INPP4B: variants seen among roughly 807,000 people sequenced by gnomAD.
The protein encoded by INPP4B is inositol polyphosphate-4-phosphatase type II B.
INPP4B carries 55 observed loss-of-function variants against 122.5 expected under a neutral mutation model. The observed-to-expected ratio is 0.45, with a 90% CI of 0.36 to 0.56. The LOEUF (loss-of-function observed/expected upper bound fraction) is 0.56. Ranked by LOEUF, INPP4B falls within the 20% of genes least tolerant of loss-of-function variation. INPP4B has a pLI of 0.00. For missense variants in INPP4B, 1,000 were observed against 1,097.7 expected, an observed-to-expected ratio of 0.91 and a Z score of 1.26; for synonymous variants, 403 against 388.7, an observed-to-expected ratio of 1.04 and a Z score of -0.43.
At chr4:142,330,969 T>C (rs1774245485) in intron 7 of INPP4B, among the ~76,000 whole-genome samples, 1 of 152,164 alleles carries the variant, frequency 6.6e-6, no homozygotes, top group African/African-American at 2.4e-5. Context: ...CTATCAAAAG[T>C]TGTACTTTCA....
In INPP4B at chr4:142,382,542, T is replaced by C. The variant is rs534008249; in HGVS notation, c.372+20396A>G. Among the ~76,000 whole-genome samples the C allele has an allele frequency of 1.6e-3, 235 of 146,524 alleles. 2 individuals are homozygous for C. Among genetic ancestry groups the C allele is most frequent in the African/African-American group, 4.9e-3 (197 of 40,158 alleles). On this transcript the variant is annotated intron_variant, in intron 7 of 25. Coordinates refer to ENST00000262992, the MANE Select transcript of INPP4B (RefSeq NM_001101669.3). ...AAAAACATACATACACATATACATATATATATATATTTACATTTATGTTTA... is the reference window on the plus strand; with the variant it reads ...AAAAACATACATACACATATACATACATATATATATTTACATTTATGTTTA...
intron 25 of INPP4B, among the ~76,000 whole-genome samples, chr4:142,079,949 C>T (rs1189745752): frequency 6.6e-6 from 1 of 152,054 alleles, no homozygotes; most frequent in Non-Finnish European, 1.5e-5. Context: ...AGAGTATTAA[C>T]ATTACAGCCC....
chr4:142,222,451 A>C (rs542500641), intron 12 of INPP4B, among the ~76,000 whole-genome samples: 1 of 152,298 alleles, frequency 6.6e-6, no homozygotes, highest in Non-Finnish European at 1.5e-5. Context: ...TCAAAAGCCT[A>C]GGCACCCATA....
chr4:142,475,122 C>G (rs1293407734), intron 2 of INPP4B, among the ~76,000 whole-genome samples: 1 of 152,104 alleles, frequency 6.6e-6, no homozygotes, highest in Non-Finnish European at 1.5e-5. Context: ...CCTGAGAGAG[C>G]CCCATTGATC....
At chr4:142,382,620 T>TA (rs1561975874) in intron 7 of INPP4B, among the ~76,000 whole-genome samples, 22 of 116,840 alleles carry the variant, frequency 1.9e-4, no homozygotes, top group African/African-American at 7.3e-4. Context: ...ATATTATATA[T>TA]ATACTATAAA....
chr4:142,295,133 A>C (rs982230112), intron 9 of INPP4B, among the ~76,000 whole-genome samples: 1 of 152,210 alleles, frequency 6.6e-6, no homozygotes. Context: ...AGCTTTCAGC[A>C]TAAGAGCTAA....
rs574620480 is a variant in INPP4B at position 142,479,541 on chromosome 4, C to T, written c.-190-16815G>A. ...TTCATTGGAGCACTATTCACAATAGCAAAGTCAAGGAATCAACCTAAATCC... is the reference window on the plus strand; with the variant it reads ...TTCATTGGAGCACTATTCACAATAGTAAAGTCAAGGAATCAACCTAAATCC... On this transcript the variant is annotated intron_variant, in intron 2 of 25. Transcript: ENST00000262992. 5.9e-4 allele frequency among the ~76,000 whole-genome samples: 89 copies of T among 152,104 alleles called. 1 individual carries two copies. In the South Asian group the frequency reaches 0.017, roughly 29 times the overall value.
chr4:142,563,388 G>A (rs1456230618), intron 2 of INPP4B, among the ~76,000 whole-genome samples: 1 of 152,094 alleles, frequency 6.6e-6, no homozygotes, highest in Non-Finnish European at 1.5e-5. Flanking sequence ...TCCAGAATAG[G>A]CAAATTGAAA....
intron 10 of INPP4B, among the ~76,000 whole-genome samples, chr4:142,264,780 G>T (rs1273002761): frequency 6.6e-6 from 1 of 152,180 alleles, no homozygotes; most frequent in African/African-American, 2.4e-5. Context: ...AAGTTCATAT[G>T]TTGAGGCCCC....
chr4:142,464,383 C>T (rs528181841), intron 2 of INPP4B, among the ~76,000 whole-genome samples: 32 of 151,904 alleles, frequency 2.1e-4, no homozygotes, highest in Middle Eastern at 3.4e-3. Context: ...AGAAACATTC[C>T]CCTAGTAATG....
At chr4:142,166,644 G>T (rs1822870799) in intron 16 of INPP4B, among the ~76,000 whole-genome samples, 1 of 151,236 alleles carries the variant, frequency 6.6e-6, no homozygotes, top group East Asian at 2.0e-4. Flanking sequence ...CTATCCATCT[G>T]ACAAAGGTCT....
At chr4:142,060,233 A>G (rs1759882715) in intron 25 of INPP4B, among the ~76,000 whole-genome samples, 1 of 152,138 alleles carries the variant, frequency 6.6e-6, no homozygotes, top group Non-Finnish European at 1.5e-5. Flanking sequence ...CATTGGGTAT[A>G]AGTATATCCT....
At chr4:142,075,685 G>A (rs1424861404) in intron 25 of INPP4B, among the ~76,000 whole-genome samples, 1 of 151,932 alleles carries the variant, frequency 6.6e-6, no homozygotes, top group African/African-American at 2.4e-5. Context: ...GAGAGCAAGG[G>A]TAACATTTCT....
chr4:142,200,439 A>G (rs2149439919), intron 14 of INPP4B, among the ~76,000 whole-genome samples: 1 of 152,152 alleles, frequency 6.6e-6, no homozygotes, highest in African/African-American at 2.4e-5. Flanking sequence ...AGTTATGCTC[A>G]CTGCTACTAT....
chr4:142,321,132 A>AT lies in INPP4B; in HGVS notation c.373-6371dup, dbSNP rs544815715. Among the ~76,000 whole-genome samples the AT allele has an allele frequency of 3.0e-3, 463 of 152,112 alleles. 3 individuals are homozygous for AT. The highest frequency in any genetic ancestry group is 5.3e-3 in the Non-Finnish European group (363 of 67,980). ...TACCACATCCACACCAACATCTATT[A>AT]TTTTTTTGATTTTTTAATTGTGGCC... On this transcript the variant is annotated intron_variant, in intron 7 of 25. Transcript: ENST00000262992.
rs1211019885 is a variant in INPP4B, at chr4:142,431,291, A to G, written c.-32T>C. The G allele has an allele frequency of 6.5e-7, 1 of 1,544,706 alleles. No homozygotes were observed. Among genetic ancestry groups the G allele is most frequent in the South Asian group, 1.1e-5 (1 of 89,310 alleles). On this transcript the variant is annotated 5_prime_UTR_variant, in exon 4 of 26. Transcript: ENST00000262992. ...CCTTCACAGTTTTAAAATTTTCCAA[A>G]TTTTCTTGTCCAAATGTCAGTTCTA... is the stretch of plus-strand genomic sequence containing the variant.
intron 1 of INPP4B, among the ~76,000 whole-genome samples, chr4:142,786,675 T>C (rs549017723): frequency 1.4e-4 from 21 of 152,252 alleles, no homozygotes; most frequent in East Asian, 5.8e-4. Context: ...TAAATCATGT[T>C]GACAATATGT....
chr4:142,663,028 T>C (rs1214815446), intron 2 of INPP4B, among the ~76,000 whole-genome samples: 1 of 152,046 alleles, frequency 6.6e-6, no homozygotes, highest in East Asian at 1.9e-4. Flanking sequence ...CTGGAACAAG[T>C]TGGGGGTCTC....
At chr4:142,310,588 T>G (rs1561821672) in intron 8 of INPP4B, among the ~76,000 whole-genome samples, 1 of 151,880 alleles carries the variant, frequency 6.6e-6, no homozygotes. Context: ...TTTTAAAAGG[T>G]CTCTGAAAAG....
Sources: allele counts gnomAD v4.1 joint callset (sites outside exome capture counted in the v4.1 genomes callset), GRCh38; gene constraint gnomAD v4.1.1; transcripts MANE v1.5; gene names NCBI Gene and HGNC (gene_info 2026-07-23, HGNC 2026-07-21).